Variants in CTPS2 observed in about 807,000 individuals in gnomAD.
The protein encoded by CTPS2 is CTP synthase II.
A neutral mutation model predicts 46.8 loss-of-function variants in CTPS2; 19 were observed. The ratio of observed to expected loss-of-function variants is 0.41; its 90% CI spans 0.28 to 0.60. The LOEUF (loss-of-function observed/expected upper bound fraction) is 0.60. Ranked by LOEUF, CTPS2 falls within the 20% of genes least tolerant of loss-of-function variation. The probability of loss-of-function intolerance (pLI) is 0.35; values close to 1 mark genes in which losing one functional copy is unlikely to be tolerated. For missense variants in CTPS2, 286 were observed against 447.6 expected, an observed-to-expected ratio of 0.64 and a Z score of 3.26; for synonymous variants, 151 against 165.2, an observed-to-expected ratio of 0.91 and a Z score of 0.66.
intron 1 of CTPS2, among the ~76,000 whole-genome samples, chrX:16,703,238 G>T (rs946035587): frequency 9.1e-6 from 1 of 109,817 alleles, no homozygotes; most frequent in Non-Finnish European, 1.9e-5. Context: ...TGTTGCCCAC[G>T]CTGGTCTCCA....
intron 1 of CTPS2, among the ~76,000 whole-genome samples, chrX:16,707,908 G>C: frequency 9.0e-6 from 1 of 111,543 alleles, no homozygotes; most frequent in Non-Finnish European, 1.9e-5. Context: ...CTTGAAGCCG[G>C]GAGGCGGAGG....
chrX:16,671,505 C>CT lies in CTPS2; in HGVS notation c.1095-832dup, dbSNP rs11323776. Among the ~76,000 whole-genome samples, 172 of 48,048 alleles carry CT rather than the reference C, an allele frequency of 3.6e-3. 2 individuals are homozygous for CT. Among genetic ancestry groups the CT allele is most frequent in the Middle Eastern group, 0.014 (1 of 73 alleles). The allele number at this position is 48,048 out of a possible 115,157, so 41.7% of individuals were successfully genotyped here. ...CGTGGTGGGGTCCAGTAACATTTTT[C>CT]TTTTTTTTTTTTTTTTTTTTTTTTT... On this transcript the variant is annotated intron_variant, in intron 10 of 18. Transcript: ENST00000359276.
intron 8 of CTPS2, among the ~76,000 whole-genome samples, chrX:16,687,857 T>C (rs1361365174): frequency 8.9e-6 from 1 of 111,781 alleles, no homozygotes. Context: ...CCGATACTTA[T>C]TATAGTACGT....
rs1426888169 is a variant in CTPS2, at chrX:16,702,840, G to A, written c.63C>T (p.Ser21=). 12 of 1,207,246 alleles carry A rather than the reference G, an allele frequency of 9.9e-6. No homozygotes were observed. The highest frequency in any genetic ancestry group is 1.3e-5 in the Non-Finnish European group (12 of 893,655). ...ATGATTTTAGAATCGTTCCAATGCT[G>A]CTGGCAATGATCCCTTTACCAATGC... ...ISGIGKGIIA[S]SIGTILKSCG... is the part of the protein sequence containing the mutation. The change falls in exon 2 of 19, where the codon AGC becomes AGT. Residue 21 remains serine (S), a synonymous_variant. Coordinates refer to ENST00000359276, the MANE Select transcript of CTPS2 (RefSeq NM_175859.3).
At chrX:16,661,078 G>A (rs1402356423) in intron 13 of CTPS2, among the ~76,000 whole-genome samples, 1 of 110,499 alleles carries the variant, frequency 9.0e-6, no homozygotes, top group Non-Finnish European at 1.9e-5. Flanking sequence ...TCCTGCCTCA[G>A]CCTCCCAGTA....
At chrX:16,702,655 C>A in intron 2 of CTPS2, 82 bp downstream of exon 2, 1 of 915,036 alleles carries the variant, frequency 1.1e-6, no homozygotes, top group Non-Finnish European at 1.6e-6. Context: ...TCTGGAACTA[C>A]ATCCTAAAGA....
chrX:16,622,131 G>A (rs905488931), intron 14 of CTPS2, among the ~76,000 whole-genome samples: 23 of 110,760 alleles, frequency 2.1e-4, no homozygotes, highest in African/African-American at 4.9e-4. Context: ...AAGGCCGGGC[G>A]CGGTGGCTCA....
intron 11 of CTPS2, among the ~76,000 whole-genome samples, chrX:16,669,591 C>A (rs1921556400): frequency 9.1e-6 from 1 of 110,199 alleles, no homozygotes; most frequent in African/African-American, 3.3e-5. Context: ...AAAACAATGG[C>A]CCCCAACGAG....
intron 11 of CTPS2, among the ~76,000 whole-genome samples, chrX:16,668,770 AAAGGAAGGAAGGAAGG>A (rs753753580): frequency 2.0e-4 from 15 of 73,614 alleles, no homozygotes; most frequent in South Asian, 8.8e-4. Context: ...GGAAGGAAGG[AAAGGAAGGAAGGAAGG>A]AAGGAAGGAA....
chrX:16,659,108 T>G lies in CTPS2; in HGVS notation c.1296+8406A>C, dbSNP rs1401140943. ...GTTTTTATTATTTGTGGTGTGTGTT[T>G]TGTTCAGTTCTGATATCTAGCTCAT... On this transcript the variant is annotated intron_variant, in intron 13 of 18. Coordinates refer to ENST00000359276, the MANE Select transcript of CTPS2 (RefSeq NM_175859.3). Among the ~76,000 whole-genome samples, 3 of 112,497 alleles carry G rather than the reference T, an allele frequency of 2.7e-5. No individual in the cohort carries two copies. The East Asian group carries it at 8.3e-4, about 31-fold the overall frequency.
intron 8 of CTPS2, among the ~76,000 whole-genome samples, chrX:16,684,961 C>T (rs988883985): frequency 9.0e-6 from 1 of 111,228 alleles, no homozygotes; most frequent in Non-Finnish European, 1.9e-5. Flanking sequence ...CATGGTGGTG[C>T]ACGCCTGTAG....
chrX:16,618,790 A>G (rs1051265088), intron 15 of CTPS2, among the ~76,000 whole-genome samples: 1 of 112,088 alleles, frequency 8.9e-6, no homozygotes, highest in Non-Finnish European at 1.9e-5. Flanking sequence ...ATTATTCATT[A>G]TTGAGTTGTA....
At chrX:16,613,777 G>C (rs185337489) in intron 16 of CTPS2, among the ~76,000 whole-genome samples, 5 of 111,116 alleles carry the variant, frequency 4.5e-5, no homozygotes, top group Non-Finnish European at 3.8e-5. Context: ...TTTTTGTAGA[G>C]ACAGGATCTC....
At chrX:16,621,446 TATA>T (rs10666371) in intron 14 of CTPS2, among the ~76,000 whole-genome samples, 104 of 102,819 alleles carry the variant, frequency 1.0e-3, no homozygotes, top group African/African-American at 2.4e-3. Flanking sequence ...GAACTTAAAG[TATA>T]ATAATAATAA....
At chrX:16,659,635 A>AC (rs896973428) in intron 13 of CTPS2, among the ~76,000 whole-genome samples, 6 of 110,332 alleles carry the variant, frequency 5.4e-5, no homozygotes, top group African/African-American at 2.0e-4. Context: ...CAAAAAAAAA[A>AC]AATTGTATAT....
chrX:16,704,940 C>A (rs2147388127), intron 1 of CTPS2, among the ~76,000 whole-genome samples: 1 of 110,229 alleles, frequency 9.1e-6, no homozygotes, highest in East Asian at 2.9e-4. Context: ...GAGAGCGAAA[C>A]TCCGTCTCAA....
chrX:16,664,363 A>T (rs1337845135), intron 13 of CTPS2, among the ~76,000 whole-genome samples: 3 of 111,851 alleles, frequency 2.7e-5, no homozygotes, highest in Non-Finnish European at 5.6e-5. Flanking sequence ...CTTCATTGGT[A>T]TTAGGCCTTC....
chrX:16,605,773 T>C (rs2147179747), intron 17 of CTPS2, among the ~76,000 whole-genome samples: 1 of 113,100 alleles, frequency 8.8e-6, no homozygotes, highest in East Asian at 2.8e-4. Flanking sequence ...ATATTCTGAT[T>C]ACTTTCAGCA....
At chrX:16,666,140 G>A (rs5978784) in intron 13 of CTPS2, among the ~76,000 whole-genome samples, 3,151 of 111,905 alleles carry the variant, frequency 0.028, 114 homozygotes, top group African/African-American at 0.096. Context: ...ATTGTGAGGC[G>A]CGAGCTCCAT....
Sources: gnomAD v4.1 joint callset for allele counts (sites outside exome capture counted in the v4.1 genomes callset) on GRCh38, gnomAD v4.1.1 for gene constraint, MANE v1.5 for transcripts, NCBI Gene and HGNC (gene_info 2026-07-23, HGNC 2026-07-21) for gene names.